The following STAB1 variants were observed in gnomAD, a reference collection of about 807,000 sequenced individuals.
The protein encoded by STAB1 is stabilin-1.
In STAB1, 250 loss-of-function variants were observed where a neutral mutation model predicts 332.4. The observed-to-expected ratio is 0.75, with a 90% CI of 0.68 to 0.84. The LOEUF (loss-of-function observed/expected upper bound fraction) is 0.84, where lower values mean the gene tolerates loss of function less well. STAB1 is among the 40% of genes least tolerant of loss of function. The probability of loss-of-function intolerance (pLI) is 0.00; values close to 1 mark genes in which losing one functional copy is unlikely to be tolerated. For missense variants in STAB1, 3,249 were observed against 3,489.7 expected (o/e 0.93, Z 1.74); for synonymous variants, 1,475 against 1,390.4 (o/e 1.06, Z -1.35).
chr3:52,496,803 T>C (rs576572913), intron 1 of STAB1, among the ~76,000 whole-genome samples: 1 of 152,316 alleles, frequency 6.6e-6, no homozygotes, highest in South Asian at 2.1e-4. Flanking sequence ...CCTATGGCTC[T>C]GACCACTCCT....
Position 52,513,751 on chromosome 3 carries a change from C to G in STAB1, c.3305C>G (p.Ala1102Gly). The G allele has an allele frequency of 6.2e-7, 1 of 1,613,434 alleles. No individual in the cohort carries two copies. Among genetic ancestry groups the G allele is most frequent in the Non-Finnish European group, 8.5e-7 (1 of 1,180,014 alleles). Residue 1102 changes from alanine to glycine, a missense_variant, in exon 31 of 69, where the codon GCT becomes GGT. Physicochemically the swap from Ala to Gly is moderately conservative, Grantham distance 60 (BLOSUM62 0). Coordinates refer to ENST00000321725, the MANE Select transcript of STAB1 (RefSeq NM_015136.3). The stretch of plus-strand genomic sequence containing the variant: ...GTGCAGAATGCCAGCGTGGATGTGG[C>G]TGACCTCCTTGCCACCAACGGTGTC... ...VWVQNASVDV[A>G]DLLATNGVLH...
At position 52,506,258 on chromosome 3, in the gene STAB1, G is replaced by A; in HGVS notation, c.1830+8G>A. ...GTGAACATTTCTGAGGAGGTGAGGT[G>A]CACGGACACCTGGGCGGATGGTGGG... On this transcript the variant is annotated splice_region_variant and intron_variant, in intron 17 of 68. Coordinates refer to ENST00000321725, the MANE Select transcript of STAB1 (RefSeq NM_015136.3). The A allele has an allele frequency of 6.2e-7, 1 of 1,609,334 alleles. No individual in the cohort carries two copies. Among genetic ancestry groups the A allele is most frequent in the Non-Finnish European group, 8.5e-7 (1 of 1,177,876 alleles).
In STAB1 at chr3:52,505,864, CCT is replaced by C. The variant is rs112434533; in HGVS notation, c.1696-11_1696-10del. ...CCCACAGTTCCTCCAGGAGCCAAAC[CCT>C]CTCTCTCCCCTGCCAGGGTCTCTCT... On this transcript the variant is annotated splice_polypyrimidine_tract_variant and intron_variant, in intron 15 of 68. Transcript: ENST00000321725. 6.7e-3 allele frequency: 10,801 copies of C among 1,613,954 alleles called. 79 individuals carry two copies. The highest frequency in any genetic ancestry group is 0.025 in the South Asian group (2,243 of 91,080).
intron 35 of STAB1, 63 bp from the exon 36 acceptor site, chr3:52,514,926 T>C: frequency 1.9e-6 from 3 of 1,612,416 alleles, no homozygotes; most frequent in Non-Finnish European, 2.5e-6. Flanking sequence ...GGTCAGTCTG[T>C]CCTGGAGGAA....
At chr3:52,514,649 T>A in intron 34 of STAB1, 52 bp from the exon 35 acceptor site, 1 of 1,611,472 alleles carries the variant, frequency 6.2e-7, no homozygotes, top group Non-Finnish European at 8.5e-7. Flanking sequence ...CTTACAGCCC[T>A]GCCAGGTGAG....
intron 29 of STAB1, 32 bp from the exon 30 acceptor site, chr3:52,513,098 T>C (rs781112670): frequency 2.6e-6 from 4 of 1,554,586 alleles, no homozygotes; most frequent in Middle Eastern, 1.7e-4. Flanking sequence ...ACTAACCTGA[T>C]TCCATGACCC....
At position 52,502,163 on chromosome 3, in the gene STAB1, A is replaced by G; in HGVS notation, c.422A>G (p.Asn141Ser). 6.2e-7 allele frequency: 1 copy of G among 1,613,278 alleles called. No individual in the cohort carries two copies. The highest frequency in any genetic ancestry group is 8.5e-7 in the Non-Finnish European group (1 of 1,179,946). The change falls in exon 5 of 69, where the codon AAC (asparagine) becomes AGC (serine). Residue 141 changes from asparagine (N) to serine (S), a missense_variant. Transcript: ENST00000321725. The part of the protein sequence containing the change: ...DRNGTCVCQE[N>S]FRGSACQECQ... ...ACTTGGTGCATCCACCACCAGGAAA[A>G]CTTCCGCGGCTCAGCCTGCCAGGAG...
At chr3:52,510,265 C>A in intron 24 of STAB1, 30 bp downstream of exon 24, 1 of 1,614,030 alleles carries the variant, frequency 6.2e-7, no homozygotes, top group Non-Finnish European at 8.5e-7. Flanking sequence ...CCCTGAAGTT[C>A]TGACCCAGAG....
intron 17 of STAB1, 113 bp from the exon 18 acceptor site, chr3:52,506,579 C>A (rs1708885615): frequency 8.2e-7 from 1 of 1,225,502 alleles, no homozygotes; most frequent in Non-Finnish European, 1.1e-6. Context: ...GGGCCTTCAG[C>A]AGCTCACTGA....
chr3:52,514,531 G>A (rs762376051), intron 34 of STAB1, 35 bp downstream of exon 34: 53 of 1,526,154 alleles, frequency 3.5e-5, no homozygotes, highest in Middle Eastern at 1.8e-4. Context: ...ACCCTAGCCC[G>A]GGCCCCTACC....
Position 52,521,683 on chromosome 3 carries a change from G to A in STAB1, c.6146G>A (p.Arg2049His), listed in dbSNP as rs1265102118. The A allele has an allele frequency of 6.8e-6, 11 of 1,612,642 alleles. No individual in the cohort carries two copies. The highest frequency in any genetic ancestry group is 1.7e-5 in the Admixed American group (1 of 59,910). The change falls in exon 57 of 69, where the codon CGC (arginine) becomes CAC (histidine). Residue 2049 changes from arginine (R) to histidine (H), a missense_variant. Coordinates refer to ENST00000321725, the MANE Select transcript of STAB1 (RefSeq NM_015136.3). ...TGTGATGAAGGCTGGACTGGGCCAC[G>A]CTGTGAGGTGCAACTGGGTGAGTAG... Reference protein sequence around the residue: ...CFCDEGWTGPRCEVQLELQPV... With the variant: ...CFCDEGWTGPHCEVQLELQPV...
At chr3:52,517,743 C>A (rs558344826) in intron 44 of STAB1, 119 bp downstream of exon 44, 2 of 1,553,268 alleles carry the variant, frequency 1.3e-6, no homozygotes, top group Non-Finnish European at 8.7e-7. Flanking sequence ...GCTATCCTCC[C>A]GTCAAGCTCG....
At position 52,521,499 on chromosome 3, in the gene STAB1, C is replaced by G. The variant is rs2079070052; in HGVS notation, c.6047C>G (p.Pro2016Arg). 2 of 1,613,966 alleles carry G rather than the reference C, an allele frequency of 1.2e-6. No individual in the cohort carries two copies. The highest frequency in any genetic ancestry group is 1.7e-6 in the Non-Finnish European group (2 of 1,180,022). Residue 2016 changes from proline to arginine, a missense_variant, in exon 56 of 69, where the codon CCC (proline) becomes CGC (arginine). Transcript: ENST00000321725. ...CELCAPGAFG[P>R]HCQACRCTVH... Reference sequence around the variant, plus strand: ...CTCTGTGCTCCTGGTGCCTTTGGGCCCCATTGTCAAGGTGGGCCATCCCTG... The same window carrying G: ...CTCTGTGCTCCTGGTGCCTTTGGGCGCCATTGTCAAGGTGGGCCATCCCTG...
chr3:52,502,501 T>C (rs1024884760), intron 5 of STAB1, 131 bp from the exon 6 acceptor site: 52 of 879,300 alleles, frequency 5.9e-5, no homozygotes, highest in Non-Finnish European at 8.7e-5. Flanking sequence ...TGGTCCCGCA[T>C]CACAGCTCTG....
chr3:52,523,987 G>A lies in STAB1; in HGVS notation c.7512G>A (p.Lys2504=), dbSNP rs1559730372. 5 of 1,612,076 alleles carry A rather than the reference G, an allele frequency of 3.1e-6. No homozygotes were observed. The highest frequency in any genetic ancestry group is 3.4e-6 in the Non-Finnish European group (4 of 1,179,888). ...AGALYLRARG[K]PMGFGFSAFQ... ...CTCTCTACCTCCGTGCCCGAGGCAA[G>A]CCCATGGGCTTTGGCTTCTCTGCCT... The change falls in exon 67 of 69, where the codon AAG becomes AAA. Residue 2504 remains lysine, a synonymous_variant. Transcript: ENST00000321725.
chr3:52,506,905 A>T, intron 18 of STAB1, 55 bp downstream of exon 18: 1 of 1,590,160 alleles, frequency 6.3e-7, no homozygotes, highest in Middle Eastern at 1.7e-4. Flanking sequence ...TCAGCGCTGG[A>T]GCGGCAATCC....
Position 52,516,687 on chromosome 3 carries a change from C to T in STAB1, c.4287-5C>T. ...GGGCTAAGCTGCTGCTACCACCCCT[C>T]CCAGCTGCGTGCAGGACTCGGCCGG... On this transcript the variant is annotated splice_polypyrimidine_tract_variant and splice_region_variant and intron_variant, in intron 40 of 68. Coordinates refer to ENST00000321725, the MANE Select transcript of STAB1 (RefSeq NM_015136.3). 1 of 1,612,424 alleles carries T rather than the reference C, an allele frequency of 6.2e-7. No homozygotes were observed. Among genetic ancestry groups the T allele is most frequent in the Non-Finnish European group, 8.5e-7 (1 of 1,179,914 alleles).
At position 52,516,527 on chromosome 3, in the gene STAB1, C is replaced by T. The variant is rs527736773; in HGVS notation, c.4241-15C>T. The T allele has an allele frequency of 2.9e-5, 46 of 1,613,400 alleles. 1 individual carries two copies. The South Asian group carries it at 5.1e-4, about 18-fold the overall frequency. ...CCTGGGTCTGAATGACCAGAGTCAT[C>T]CTCCTGCCCCCCAGAAATCACCAGC... On this transcript the variant is annotated splice_polypyrimidine_tract_variant and intron_variant, in intron 39 of 68. Coordinates refer to ENST00000321725, the MANE Select transcript of STAB1 (RefSeq NM_015136.3).
rs1221639175 is a variant in STAB1 at position 52,505,432 on chromosome 3, C to A, written c.1581+51C>A. Reference sequence around the variant, plus strand: ...CCATGTGGGCTTCTGGGCTTCTGAGCCAGGACTCATTATCCCAGATTCTGC... The same window carrying A: ...CCATGTGGGCTTCTGGGCTTCTGAGACAGGACTCATTATCCCAGATTCTGC... On this transcript the variant is annotated intron_variant, in intron 14 of 68. Coordinates refer to ENST00000321725, the MANE Select transcript of STAB1 (RefSeq NM_015136.3). 1.9e-6 allele frequency: 3 copies of A among 1,564,544 alleles called. No homozygotes were observed. The African/African-American group carries it at 4.1e-5, about 21-fold the overall frequency.
Sources: allele counts gnomAD v4.1 joint callset (sites outside exome capture counted in the v4.1 genomes callset), GRCh38; gene constraint gnomAD v4.1.1; transcripts MANE v1.5; gene names NCBI Gene and HGNC (gene_info 2026-07-23, HGNC 2026-07-21).